LSR: variants seen among roughly 807,000 people sequenced by gnomAD.
The protein encoded by LSR is lipolysis stimulated lipoprotein receptor, also known as lipolysis-stimulated lipoprotein receptor.
LSR carries 44 observed loss-of-function variants against 61.8 expected under a neutral mutation model. That is an observed-to-expected ratio of 0.71 (90% CI 0.56 to 0.91). The LOEUF (loss-of-function observed/expected upper bound fraction) is 0.91, where lower values mean the gene tolerates loss of function less well. LSR is among the 40% of genes least tolerant of loss of function. LSR has a pLI of 0.00. For missense variants in LSR, 911 were observed against 830.5 expected (o/e 1.10, Z -1.19); for synonymous variants, 397 against 350.6 (o/e 1.13, Z -1.48).
Position 35,260,445 on chromosome 19 carries a change from C to G in LSR, c.574+1381C>G, listed in dbSNP as rs921380164. On this transcript the variant is annotated intron_variant, in intron 3 of 9. Coordinates refer to ENST00000605618, the MANE Select transcript of LSR (RefSeq NM_205834.4). Reference sequence around the variant, plus strand: ...TAGCTGGGACTACAGGCACCCGCCACCACACCCGGCTAATTTTTTTTGTAT... The same window carrying G: ...TAGCTGGGACTACAGGCACCCGCCAGCACACCCGGCTAATTTTTTTTGTAT... 2.6e-5 allele frequency among the ~76,000 whole-genome samples: 4 copies of G among 151,824 alleles called. No homozygotes were observed. In the East Asian group the frequency reaches 5.8e-4, roughly 22 times the overall value.
intron 3 of LSR, among the ~76,000 whole-genome samples, chr19:35,260,894 A>T (rs2065919571): frequency 6.6e-6 from 1 of 152,186 alleles, no homozygotes; most frequent in Non-Finnish European, 1.5e-5. Context: ...TGATGGCATC[A>T]GGGAGCCTGG....
intron 1 of LSR, among the ~76,000 whole-genome samples, chr19:35,249,666 G>C (rs1180814177): frequency 6.6e-6 from 1 of 152,172 alleles, no homozygotes; most frequent in African/African-American, 2.4e-5. Context: ...TGGTGGGATG[G>C]ATTTACGGAC....
At chr19:35,257,507 T>G (rs1468457096) in intron 2 of LSR, among the ~76,000 whole-genome samples, 1 of 152,154 alleles carries the variant, frequency 6.6e-6, no homozygotes, top group Admixed American at 6.5e-5. Flanking sequence ...CATGAGGCCT[T>G]CCTTATGAAG....
intron 5 of LSR, among the ~76,000 whole-genome samples, chr19:35,265,926 T>A (rs2065991587): frequency 6.6e-6 from 1 of 152,216 alleles, no homozygotes; most frequent in South Asian, 2.1e-4. Flanking sequence ...GGACCCAGCA[T>A]CTGGGCTTTA....
Position 35,267,440 on chromosome 19 carries a change from G to T in LSR, c.1476G>T (p.Ser492=). 6.2e-7 allele frequency: 1 copy of T among 1,610,708 alleles called. No individual in the cohort carries two copies. Residue 492 remains serine, a synonymous_variant, in exon 9 of 10, where the codon TCG becomes TCT. Transcript: ENST00000605618. ...SRDDLYDQDD[S]RDFPRSRDPH... is the part of the protein sequence containing the mutation. ...ACGACCTCTATGACCAAGACGACTC[G>T]AGGGACTTCCCACGCTCCCGGGACC...
rs779247734 is a variant in LSR, at chr19:35,267,299, C to T, written c.1335C>T (p.Ser445=). Residue 445 remains serine, a synonymous_variant, in exon 9 of 10, where the codon TCC becomes TCT. Coordinates refer to ENST00000605618, the MANE Select transcript of LSR (RefSeq NM_205834.4). ...GWRARRPRAR[S]VDALDDLTPP... is the part of the protein sequence containing the mutation. ...GGGCCAGGCGGCCCCGGGCCCGCTC[C>T]GTGGACGCCCTGGACGACCTCACCC... is the stretch of plus-strand genomic sequence containing the variant. 2.9e-5 allele frequency: 45 copies of T among 1,540,706 alleles called. No individual in the cohort carries two copies. The highest frequency in any genetic ancestry group is 1.4e-5 in the African/African-American group (1 of 73,058).
chr19:35,252,410 A>G (rs1347639333), intron 2 of LSR, among the ~76,000 whole-genome samples: 1 of 151,942 alleles, frequency 6.6e-6, no homozygotes, highest in African/African-American at 2.4e-5. Flanking sequence ...GCACTTTGGG[A>G]GGCCAAGGTG....
chr19:35,257,779 G>C (rs543257024), intron 2 of LSR, among the ~76,000 whole-genome samples: 53 of 152,326 alleles, frequency 3.5e-4, no homozygotes, highest in African/African-American at 1.3e-3. Context: ...AAGGCTGAAG[G>C]TATTTAATTA....
chr19:35,267,323 C>T lies in LSR; in HGVS notation c.1359C>T (p.Thr453=). Residue 453 remains threonine (T), a synonymous_variant, in exon 9 of 10, where the codon ACC becomes ACT. Transcript: ENST00000605618. The part of the protein sequence containing the change: ...ARSVDALDDL[T]PPSTAESGSR... ...CCGTGGACGCCCTGGACGACCTCACCCCGCCGAGCACCGCCGAGTCAGGGA... is the reference window on the plus strand; with the variant it reads ...CCGTGGACGCCCTGGACGACCTCACTCCGCCGAGCACCGCCGAGTCAGGGA... The T allele has an allele frequency of 1.3e-6, 2 of 1,562,096 alleles. No homozygotes were observed. Among genetic ancestry groups the T allele is most frequent in the Non-Finnish European group, 1.7e-6 (2 of 1,154,366 alleles).
chr19:35,255,192 G>A (rs1327510305), intron 2 of LSR, among the ~76,000 whole-genome samples: 6 of 151,972 alleles, frequency 3.9e-5, no homozygotes, highest in African/African-American at 7.3e-5. Flanking sequence ...TAAATTTAGC[G>A]GGGCATGATG....
chr19:35,251,928 G>A (rs1424816327), intron 2 of LSR, among the ~76,000 whole-genome samples: 2 of 145,258 alleles, frequency 1.4e-5, no homozygotes, highest in Non-Finnish European at 3.0e-5. Context: ...TCCGCCTCCC[G>A]GGTTCACGCC....
At chr19:35,249,980 G>C (rs183225827) in intron 1 of LSR, among the ~76,000 whole-genome samples, 1 of 152,192 alleles carries the variant, frequency 6.6e-6, no homozygotes, top group African/African-American at 2.4e-5. Context: ...GGGCTTGCCT[G>C]CCCAGGCCAC....
rs2066047120 is a variant in LSR, at chr19:35,267,809, C to T, written c.1771-15C>T. 1 of 1,614,038 alleles carries T rather than the reference C, an allele frequency of 6.2e-7. No homozygotes were observed. Among genetic ancestry groups the T allele is most frequent in the Non-Finnish European group, 8.5e-7 (1 of 1,179,932 alleles). On this transcript the variant is annotated splice_polypyrimidine_tract_variant and intron_variant, in intron 9 of 9. Coordinates refer to ENST00000605618, the MANE Select transcript of LSR (RefSeq NM_205834.4). ...GTCCCCGCGGCTCATACCCTTCTTT[C>T]TTTCTCCCTTGCAGAACTTGGCCCT...
At chr19:35,250,293 C>T (rs763624775) in intron 1 of LSR, 22 bp from the exon 2 acceptor site, 2 of 1,493,918 alleles carry the variant, frequency 1.3e-6, no homozygotes, top group South Asian at 1.3e-5. Flanking sequence ...GCAACCCTTG[C>T]TGTCTCTCCT....
chr19:35,263,271 ACT>A (rs2065954262), intron 5 of LSR, among the ~76,000 whole-genome samples: 1 of 151,642 alleles, frequency 6.6e-6, no homozygotes, highest in African/African-American at 2.4e-5. Context: ...ACAGAGTGAG[ACT>A]CTGTCTCAAA....
chr19:35,252,133 C>T (rs2065802040), intron 2 of LSR, among the ~76,000 whole-genome samples: 1 of 152,046 alleles, frequency 6.6e-6, no homozygotes, highest in African/African-American at 2.4e-5. Flanking sequence ...CGCGCCCGGC[C>T]CCTTGTTCTT....
intron 4 of LSR, 74 bp downstream of exon 4, chr19:35,262,055 G>A: frequency 1.5e-6 from 2 of 1,344,748 alleles, no homozygotes; most frequent in Non-Finnish European, 2.0e-6. Context: ...ACTCTAGTTA[G>A]TATCCCCTTC....
At chr19:35,262,029 T>C in intron 4 of LSR, 48 bp downstream of exon 4, 1 of 1,459,728 alleles carries the variant, frequency 6.9e-7, no homozygotes, top group South Asian at 1.3e-5. Context: ...CTCCCATACA[T>C]CACCTACTGC....
At chr19:35,262,337 G>GT (rs1283999533) in intron 4 of LSR, among the ~76,000 whole-genome samples, 3 of 152,140 alleles carry the variant, frequency 2.0e-5, no homozygotes, top group African/African-American at 7.2e-5. Flanking sequence ...GGGGAGGGCC[G>GT]TAACTGGGGA....
Sources: gnomAD v4.1 joint callset for allele counts (sites outside exome capture counted in the v4.1 genomes callset) on GRCh38, gnomAD v4.1.1 for gene constraint, MANE v1.5 for transcripts, NCBI Gene and HGNC (gene_info 2026-07-23, HGNC 2026-07-21) for gene names.